Variants in MTBP observed in about 807,000 individuals in gnomAD.
MTBP encodes MDM2 binding protein, also known as mdm2-binding protein.
MTBP carries 101 observed loss-of-function variants against 117.0 expected under a neutral mutation model. That is an observed-to-expected ratio of 0.86 (90% CI 0.73 to 1.02). MTBP has a LOEUF of 1.02. Among genes scored for constraint, MTBP ranks in the 50% least tolerant of loss-of-function variants. The pLI, the probability that MTBP is intolerant of heterozygous loss-of-function variation, is 0.00. For missense variants in MTBP, 970 were observed against 1,030.9 expected, an observed-to-expected ratio of 0.94 and a Z score of 0.81; for synonymous variants, 350 against 351.5, an observed-to-expected ratio of 1.00 and a Z score of 0.05.
rs375352472 is a variant in MTBP, at chr8:120,449,202, T to C, written c.200-1801T>C. Among the ~76,000 whole-genome samples the C allele has an allele frequency of 1.4e-3, 218 of 152,074 alleles. 3 individuals are homozygous for C. The highest frequency in any genetic ancestry group is 4.9e-3 in the African/African-American group (204 of 41,480). On this transcript the variant is annotated intron_variant, in intron 2 of 21. Coordinates refer to ENST00000305949, the MANE Select transcript of MTBP (RefSeq NM_022045.5). Reference sequence around the variant, plus strand: ...GGGGTAGAATTCACCTACCTTAGCGTTGAATTGGTATGATGTAGAAGAAGG... The same window carrying C: ...GGGGTAGAATTCACCTACCTTAGCGCTGAATTGGTATGATGTAGAAGAAGG...
intron 13 of MTBP, among the ~76,000 whole-genome samples, chr8:120,493,367 A>G (rs1368793100): frequency 6.6e-6 from 1 of 152,176 alleles, no homozygotes. Flanking sequence ...TTAATCATTA[A>G]GGTCAATATG....
Position 120,470,808 on chromosome 8 carries a change from T to C in MTBP, c.1048-12T>C, listed in dbSNP as rs1176441982. On this transcript the variant is annotated splice_polypyrimidine_tract_variant and intron_variant, in intron 10 of 21. Coordinates refer to ENST00000305949, the MANE Select transcript of MTBP (RefSeq NM_022045.5). ...ATGTGCAATCAATAAAAATATGGTC[T>C]GTTTTATTCAGGTTGGTGCTCTTTT... 6.5e-7 allele frequency: 1 copy of C among 1,533,864 alleles called. No individual in the cohort carries two copies. Among genetic ancestry groups the C allele is most frequent in the Admixed American group, 1.7e-5 (1 of 58,606 alleles).
At chr8:120,493,617 A>T (rs562563738) in intron 13 of MTBP, among the ~76,000 whole-genome samples, 1 of 151,908 alleles carries the variant, frequency 6.6e-6, no homozygotes, top group Non-Finnish European at 1.5e-5. Context: ...CAGCCTCCCA[A>T]GTAGCTAGCA....
At chr8:120,463,889 A>G (rs1813633567) in intron 10 of MTBP, 128 bp downstream of exon 10, 1 of 848,406 alleles carries the variant, frequency 1.2e-6, no homozygotes, top group Admixed American at 2.4e-5. Flanking sequence ...AATGTAATAT[A>G]GGATAATTTT....
intron 14 of MTBP, among the ~76,000 whole-genome samples, chr8:120,499,310 G>A (rs1326011919): frequency 6.6e-6 from 1 of 152,032 alleles, no homozygotes; most frequent in Non-Finnish European, 1.5e-5. Flanking sequence ...TTCAGATCTT[G>A]ATTTAAATGT....
chr8:120,471,193 C>T (rs1226314260), intron 11 of MTBP: 3 of 274,776 alleles, frequency 1.1e-5, no homozygotes, highest in Non-Finnish European at 2.0e-5. Flanking sequence ...TTATACTGAA[C>T]ATGGGTTTTT....
chr8:120,489,892 C>G (rs955093983), intron 12 of MTBP, among the ~76,000 whole-genome samples: 1 of 152,122 alleles, frequency 6.6e-6, no homozygotes, highest in African/African-American at 2.4e-5. Context: ...GGACATCCTG[C>G]TTTTAGGGGA....
Position 120,459,347 on chromosome 8 carries a change from A to G in MTBP, c.880A>G (p.Lys294Glu), listed in dbSNP as rs746364409. The G allele has an allele frequency of 3.1e-6, 5 of 1,595,296 alleles. No homozygotes were observed. The highest frequency in any genetic ancestry group is 4.3e-6 in the Non-Finnish European group (5 of 1,173,070). The change falls in exon 8 of 22, where the codon AAG (lysine) becomes GAG (glutamate). Residue 294 changes from lysine to glutamate, a missense_variant and splice_region_variant. By Grantham distance (56) the Lys-to-Glu change is moderately conservative. Coordinates refer to ENST00000305949, the MANE Select transcript of MTBP (RefSeq NM_022045.5). ...ATCAAAGGATAAGAATATTTTGCCA[A>G]AGGTAATCGTGTTTAATTTTTTTGT... is the stretch of plus-strand genomic sequence containing the variant. ...IPSKDKNILP[K>E]VFHYYGPALE...
At chr8:120,520,796 AAAAAGAAAAAAG>A (rs1814997973) in intron 20 of MTBP, among the ~76,000 whole-genome samples, 1 of 152,028 alleles carries the variant, frequency 6.6e-6, no homozygotes, top group South Asian at 2.1e-4. Flanking sequence ...TAAAAAAAGA[AAAAAGAAAAAAG>A]AAAAGAAACT....
At chr8:120,486,646 C>G (rs1480508898) in intron 11 of MTBP, among the ~76,000 whole-genome samples, 2 of 152,152 alleles carry the variant, frequency 1.3e-5, no homozygotes, top group African/African-American at 4.8e-5. Flanking sequence ...TGCTGTAACC[C>G]TTTATTGGAA....
At chr8:120,463,542 A>T (rs780310986) in intron 9 of MTBP, 150 bp from the exon 10 acceptor site, 34 of 546,454 alleles carry the variant, frequency 6.2e-5, no homozygotes, top group Non-Finnish European at 1.1e-4. Context: ...ACTTATCCTT[A>T]GGGAAAGGCG....
chr8:120,462,649 C>G (rs1378668382), intron 9 of MTBP, among the ~76,000 whole-genome samples: 1 of 152,174 alleles, frequency 6.6e-6, no homozygotes, highest in African/African-American at 2.4e-5. Context: ...TCTCTGTCCT[C>G]ATCTGTTAGC....
At position 120,445,504 on chromosome 8, in the gene MTBP, G is replaced by A. The variant is rs200257752; in HGVS notation, c.34G>A (p.Glu12Lys). ...DRYLLLVIWG[E>K]GKFPSAASRE... ...GTACCTGCTGCTGGTGATCTGGGGG[G>A]AAGGAAAATTCCCGTCGGCGGCCAG... Residue 12 changes from glutamate to lysine, a missense_variant, in exon 1 of 22, where the codon GAA (glutamate) becomes AAA (lysine). Physicochemically the swap from Glu to Lys is moderately conservative, Grantham distance 56. Coordinates refer to ENST00000305949, the MANE Select transcript of MTBP (RefSeq NM_022045.5). 8.1e-5 allele frequency: 130 copies of A among 1,613,556 alleles called. No individual in the cohort carries two copies. In the East Asian group the frequency reaches 2.8e-3, roughly 35 times the overall value.
intron 2 of MTBP, among the ~76,000 whole-genome samples, chr8:120,448,784 C>A (rs1401020732): frequency 6.6e-6 from 1 of 152,156 alleles, no homozygotes; most frequent in African/African-American, 2.4e-5. Context: ...TTGTGCATAT[C>A]AGAACCATGC....
At chr8:120,506,992 G>T in intron 16 of MTBP, 131 bp downstream of exon 16, 1 of 711,380 alleles carries the variant, frequency 1.4e-6, no homozygotes, top group Non-Finnish European at 2.2e-6. Flanking sequence ...CCCAATGTTT[G>T]TCTGTTGGCC....
chr8:120,490,515 A>T lies in MTBP; in HGVS notation c.1392A>T (p.Val464=). Residue 464 remains valine, a synonymous_variant, in exon 13 of 22, where the codon GTA becomes GTT. Coordinates refer to ENST00000305949, the MANE Select transcript of MTBP (RefSeq NM_022045.5). The part of the protein sequence containing the change: ...SLPHFSGEQI[V]QREKQLANVQ... ...CACATTTTTCTGGGGAGCAGATTGTACAGAGAGAGAAACAGTTAGCTAATG... is the reference window on the plus strand; with the variant it reads ...CACATTTTTCTGGGGAGCAGATTGTTCAGAGAGAGAAACAGTTAGCTAATG... 2 of 1,609,664 alleles carry T rather than the reference A, an allele frequency of 1.2e-6. No homozygotes were observed. Among genetic ancestry groups the T allele is most frequent in the Non-Finnish European group, 1.7e-6 (2 of 1,178,888 alleles).
chr8:120,517,617 G>A (rs1230239261), intron 18 of MTBP, among the ~76,000 whole-genome samples: 1 of 146,600 alleles, frequency 6.8e-6, no homozygotes, highest in Non-Finnish European at 1.5e-5. Context: ...TGGATATAGT[G>A]GTAACACTAT....
intron 13 of MTBP, among the ~76,000 whole-genome samples, chr8:120,493,897 C>T (rs1228854839): frequency 6.6e-6 from 1 of 152,184 alleles, no homozygotes; most frequent in Non-Finnish European, 1.5e-5. Flanking sequence ...AACTTTTTGT[C>T]TTAGAATGGC....
chr8:120,481,942 A>G (rs892629998), intron 11 of MTBP, among the ~76,000 whole-genome samples: 1 of 152,184 alleles, frequency 6.6e-6, no homozygotes, highest in Non-Finnish European at 1.5e-5. Context: ...TTATTTAAAG[A>G]ATCACTTTTT....
Sources: allele counts gnomAD v4.1 joint callset (sites outside exome capture counted in the v4.1 genomes callset), GRCh38; gene constraint gnomAD v4.1.1; transcripts MANE v1.5; gene names NCBI Gene and HGNC (gene_info 2026-07-23, HGNC 2026-07-21).